PPFIA2: variants seen among roughly 807,000 people sequenced by gnomAD.
PPFIA2 encodes the protein liprin-alpha-2.
PPFIA2 carries 46 observed loss-of-function variants against 175.5 expected under a neutral mutation model. That is an observed-to-expected ratio of 0.26 (90% CI 0.21 to 0.34). PPFIA2 has a LOEUF of 0.34. Among genes scored for constraint, PPFIA2 ranks in the 10% least tolerant of loss-of-function variants. The pLI is 1.00. For synonymous variants in PPFIA2, 568 were observed against 511.4 expected, an observed-to-expected ratio of 1.11 and a Z score of -1.49; for missense variants, 1,179 against 1,506.1, an observed-to-expected ratio of 0.78 and a Z score of 3.60.
chr12:81,708,918 T>C (rs562870422), intron 3 of PPFIA2, among the ~76,000 whole-genome samples: 50 of 152,324 alleles, frequency 3.3e-4, no homozygotes, highest in African/African-American at 1.1e-3. Context: ...AGGTTCTAAC[T>C]GAATTTTCTC....
intron 4 of PPFIA2, among the ~76,000 whole-genome samples, chr12:81,658,980 T>C (rs928419594): frequency 1.3e-5 from 2 of 152,200 alleles, no homozygotes; most frequent in African/African-American, 4.8e-5. Flanking sequence ...ATATTTATTT[T>C]GCATATTTTG....
At chr12:81,614,040 C>G (rs890317719) in intron 4 of PPFIA2, among the ~76,000 whole-genome samples, 3 of 152,006 alleles carry the variant, frequency 2.0e-5, no homozygotes, top group African/African-American at 7.2e-5. Flanking sequence ...ATTCTAACCA[C>G]CAAACTATAT....
chr12:81,543,016 A>G (rs142961726), intron 4 of PPFIA2, among the ~76,000 whole-genome samples: 1,556 of 152,264 alleles, frequency 0.01, 35 homozygotes, highest in African/African-American at 0.035. Context: ...TGTTTTAAGG[A>G]GAATTAAGCT....
intron 4 of PPFIA2, among the ~76,000 whole-genome samples, chr12:81,586,280 T>C (rs1424959039): frequency 6.6e-6 from 1 of 151,972 alleles, no homozygotes; most frequent in Admixed American, 6.6e-5. Flanking sequence ...AGTGTCATTG[T>C]CCAGTTTTCT....
chr12:81,655,129 G>T (rs954886853), intron 4 of PPFIA2, among the ~76,000 whole-genome samples: 1 of 151,900 alleles, frequency 6.6e-6, no homozygotes, highest in African/African-American at 2.4e-5. Flanking sequence ...ATCTTTGATT[G>T]TCTGTAGGAC....
chr12:81,454,538 TATC>T (rs2053239889), intron 5 of PPFIA2, among the ~76,000 whole-genome samples: 1 of 152,236 alleles, frequency 6.6e-6, no homozygotes, highest in Admixed American at 6.5e-5. Context: ...GCTATTATAT[TATC>T]ATTATTACTC....
chr12:81,658,722 A>T (rs560538887), intron 4 of PPFIA2, among the ~76,000 whole-genome samples: 58 of 152,158 alleles, frequency 3.8e-4, no homozygotes, highest in Non-Finnish European at 6.9e-4. Flanking sequence ...TATGTTTTAT[A>T]TATGTTTAAG....
At chr12:81,615,747 T>C (rs1482500753) in intron 4 of PPFIA2, among the ~76,000 whole-genome samples, 1 of 152,144 alleles carries the variant, frequency 6.6e-6, no homozygotes, top group Non-Finnish European at 1.5e-5. Context: ...TTGGAATCCA[T>C]ATTCTTATGC....
intron 4 of PPFIA2, among the ~76,000 whole-genome samples, chr12:81,480,135 CT>C (rs1165863788): frequency 6.6e-6 from 1 of 152,030 alleles, no homozygotes; most frequent in Non-Finnish European, 1.5e-5. Flanking sequence ...CTAATCTTGT[CT>C]TCACACTTTA....
At chr12:81,276,851 C>A (rs1381574626) in intron 28 of PPFIA2, among the ~76,000 whole-genome samples, 2 of 152,046 alleles carry the variant, frequency 1.3e-5, no homozygotes, top group East Asian at 1.9e-4. Context: ...ATCATTCCTG[C>A]ATAAAATCAC....
At chr12:81,661,277 C>A (rs1212717853) in intron 4 of PPFIA2, among the ~76,000 whole-genome samples, 26 of 152,084 alleles carry the variant, frequency 1.7e-4, no homozygotes, top group Admixed American at 1.7e-3. Context: ...AGTCAAGACC[C>A]ATCTGTGTAC....
At chr12:81,702,329 C>G (rs1413268687) in intron 3 of PPFIA2, among the ~76,000 whole-genome samples, 1 of 152,120 alleles carries the variant, frequency 6.6e-6, no homozygotes, top group Admixed American at 6.5e-5. Context: ...ATAAATTTTT[C>G]TATTGCCATT....
chr12:81,281,420 C>T lies in PPFIA2; in HGVS notation c.3049G>A (p.Gly1017Arg). The T allele has an allele frequency of 1.2e-6, 2 of 1,610,070 alleles. No homozygotes were observed. The highest frequency in any genetic ancestry group is 1.7e-6 in the Non-Finnish European group (2 of 1,177,386). Residue 1017 changes from glycine to arginine, a missense_variant, in exon 27 of 33, where the codon GGA (glycine) becomes AGA (arginine). By Grantham distance (125) the Gly-to-Arg change is moderately radical (BLOSUM62 -2). This residue lies in a region of PPFIA2 where 245 missense variants were observed against 375.1 expected (regional missense o/e 0.65). Coordinates refer to ENST00000549396, the MANE Select transcript of PPFIA2 (RefSeq NM_003625.5). ...CPVFLQTLAY[G>R]DMNHEWIGNE... Reference sequence around the variant, plus strand: ...CCAATCCACTCATGATTCATATCTCCATAAGCCAGGGTCTGTAGAAAAACC... The same window carrying T: ...CCAATCCACTCATGATTCATATCTCTATAAGCCAGGGTCTGTAGAAAAACC...
chr12:81,280,462 A>C (rs1265840348), intron 27 of PPFIA2, among the ~76,000 whole-genome samples: 1 of 152,026 alleles, frequency 6.6e-6, no homozygotes, highest in East Asian at 1.9e-4. Context: ...TACCATCTTC[A>C]CTCCAGCCAC....
Position 81,521,204 on chromosome 12 carries a change from G to GA in PPFIA2, c.304-63339dup, listed in dbSNP as rs78463729. Among the ~76,000 whole-genome samples, 986 of 138,460 alleles carry GA rather than the reference G, an allele frequency of 7.1e-3. 6 individuals are homozygous for GA. Among genetic ancestry groups the GA allele is most frequent in the African/African-American group, 0.017 (635 of 38,022 alleles). The allele number at this position is 138,460 out of a possible 152,430, so 90.8% of individuals were successfully genotyped here. ...TTTCTAGAAATTTCAGGAATCACGA[G>GA]AAAAAAAAAAAAAGTGCGGTGTAAA... On this transcript the variant is annotated intron_variant, in intron 4 of 32. Transcript: ENST00000549396.
chr12:81,603,167 C>T (rs1384589223), intron 4 of PPFIA2, among the ~76,000 whole-genome samples: 1 of 151,766 alleles, frequency 6.6e-6, no homozygotes, highest in Non-Finnish European at 1.5e-5. Flanking sequence ...CTTAATAAGC[C>T]TCAATCTCCT....
At chr12:81,417,076 A>C (rs1479695391) in intron 7 of PPFIA2, among the ~76,000 whole-genome samples, 2 of 151,850 alleles carry the variant, frequency 1.3e-5, no homozygotes, top group Non-Finnish European at 3.0e-5. Flanking sequence ...AATAGTATTA[A>C]ATTTAAAAAG....
chr12:81,432,627 A>G (rs1309525412), intron 7 of PPFIA2, among the ~76,000 whole-genome samples: 1 of 151,760 alleles, frequency 6.6e-6, no homozygotes, highest in Non-Finnish European at 1.5e-5. Context: ...CACCATGCCC[A>G]GATGATTTTT....
intron 23 of PPFIA2, among the ~76,000 whole-genome samples, chr12:81,295,759 G>A (rs2046293645): frequency 6.6e-6 from 1 of 152,158 alleles, no homozygotes; most frequent in Non-Finnish European, 1.5e-5. Context: ...GGGAGGCCGA[G>A]GTGGAAGGAT....
Sources: allele counts gnomAD v4.1 joint callset (sites outside exome capture counted in the v4.1 genomes callset), GRCh38; gene constraint gnomAD v4.1.1; regional missense constraint gnomAD v4.1.1; transcripts MANE v1.5; gene names NCBI Gene and HGNC (gene_info 2026-07-23, HGNC 2026-07-21).